PAQR3: variants seen among roughly 807,000 people sequenced by gnomAD.
PAQR3 encodes the protein Raf kinase trapping to Golgi.
A neutral mutation model predicts 41.7 loss-of-function variants in PAQR3; 39 were observed. The ratio of observed to expected loss-of-function variants is 0.93; its 90% CI spans 0.72 to 1.22. The LOEUF is 1.22. Ranked by LOEUF, PAQR3 falls within the 50% of genes most tolerant of loss-of-function variation. PAQR3 has a pLI of 0.00. For missense variants in PAQR3, 366 were observed against 385.6 expected, an observed-to-expected ratio of 0.95 and a Z score of 0.42; for synonymous variants, 140 against 140.6, an observed-to-expected ratio of 1.00 and a Z score of 0.03.
Position 78,920,196 on chromosome 4 carries a change from T to G in PAQR3, c.*343A>C. ...TTAAGCACATAAGATGACTCCATTT[T>G]CTAATGGACATGAGCCCTTCCTAAG... On this transcript the variant is annotated 3_prime_UTR_variant, in exon 6 of 6. Coordinates refer to ENST00000512733, the MANE Select transcript of PAQR3 (RefSeq NM_001040202.2). 9.9e-7 allele frequency: 1 copy of G among 1,007,150 alleles called. No individual in the cohort carries two copies. The highest frequency in any genetic ancestry group is 4.9e-4 in the Middle Eastern group (1 of 2,030). The allele number at this position is 1,007,150 out of a possible 1,614,324, so 62.4% of individuals were successfully genotyped here.
chr4:78,939,093 C>T lies in PAQR3; in HGVS notation c.132G>A (p.Pro44=), dbSNP rs774413273. The T allele has an allele frequency of 6.2e-7, 1 of 1,613,356 alleles. No homozygotes were observed. Among genetic ancestry groups the T allele is most frequent in the Non-Finnish European group, 8.5e-7 (1 of 1,179,548 alleles). ...AGGCCCGGTAGCCGTCGGTGATGTA[C>T]GGGTTGTCCTTGAGGGACCCGGGGA... ...EQIPGSLKDN[P]YITDGYRAYL... Residue 44 remains proline (P), a synonymous_variant, in exon 1 of 6, where the codon CCG becomes CCA. Transcript: ENST00000512733.
chr4:78,903,918 T>C (rs893343266), intron 11 of PAQR3, among the ~76,000 whole-genome samples: 1 of 151,810 alleles, frequency 6.6e-6, no homozygotes, highest in African/African-American at 2.4e-5. Context: ...CAGATGAGAG[T>C]TTTAAGCCAG....
intron 12 of PAQR3, among the ~76,000 whole-genome samples, chr4:78,887,685 CTCTTG>C (rs965539345): frequency 6.0e-4 from 92 of 152,222 alleles, no homozygotes; most frequent in African/African-American, 2.2e-3. Context: ...CTTTGTTTTA[CTCTTG>C]TCTTCTTATA....
chr4:78,887,283 A>C, exon 13 of PAQR3: 4 of 1,596,716 alleles, frequency 2.5e-6, no homozygotes, highest in Non-Finnish European at 3.4e-6. Context: ...TTTCTCATTC[A>C]GGCAAGTTAC....
chr4:78,903,939 G>T (rs1282735102), intron 11 of PAQR3, among the ~76,000 whole-genome samples: 1 of 151,940 alleles, frequency 6.6e-6, no homozygotes, highest in African/African-American at 2.4e-5. Flanking sequence ...TGTCAGCAGA[G>T]AAGTTATTAT....
intron 11 of PAQR3, among the ~76,000 whole-genome samples, chr4:78,891,417 T>C (rs557671586): frequency 1.3e-5 from 2 of 152,330 alleles, no homozygotes; most frequent in East Asian, 3.9e-4. Context: ...TTATTTAGCC[T>C]GGAAACTTGT....
chr4:78,906,234 T>C (rs1445803028), intron 10 of PAQR3: 1 of 152,160 alleles, frequency 6.6e-6, no homozygotes, highest in African/African-American at 2.4e-5. Flanking sequence ...CTTTACTTTT[T>C]ATAAGTTTAT....
At chr4:78,895,716 A>G (rs1733666748) in intron 11 of PAQR3, among the ~76,000 whole-genome samples, 1 of 152,196 alleles carries the variant, frequency 6.6e-6, no homozygotes, top group African/African-American at 2.4e-5. Context: ...CAAAAGGACT[A>G]TAATATCATT....
intron 11 of PAQR3, among the ~76,000 whole-genome samples, chr4:78,901,480 T>C (rs1734003533): frequency 6.6e-6 from 1 of 152,224 alleles, no homozygotes; most frequent in African/African-American, 2.4e-5. Flanking sequence ...ACCTTTAAAA[T>C]GTAGAACCTG....
chr4:78,936,032 G>A (rs13117357), intron 1 of PAQR3, among the ~76,000 whole-genome samples: 2 of 152,176 alleles, frequency 1.3e-5, no homozygotes, highest in African/African-American at 4.8e-5. Context: ...CAGGTTGCTA[G>A]AGCGTGTACC....
chr4:78,919,142 T>C lies in PAQR3; in HGVS notation c.*1397A>G, dbSNP rs1578005220. 4 of 985,144 alleles carry C rather than the reference T, an allele frequency of 4.1e-6. No individual in the cohort carries two copies. Among genetic ancestry groups the C allele is most frequent in the South Asian group, 9.4e-5 (2 of 21,288 alleles). The allele number at this position is 985,144 out of a possible 1,614,324, so 61.0% of individuals were successfully genotyped here. On this transcript the variant is annotated 3_prime_UTR_variant, in exon 6 of 6. Coordinates refer to ENST00000512733, the MANE Select transcript of PAQR3 (RefSeq NM_001040202.2). ...GTATTAACTGAGGCACATTAGTGAC[T>C]TTCCAAGTATCATATGCACAAAAGG... is the stretch of plus-strand genomic sequence containing the variant.
rs1466703305 is a variant in PAQR3, at chr4:78,911,986, G to A, written c.*8553C>T. ...ACATCAGTCCCAACAGTCCCAACCA[G>A]TCGAATTAGACCCATTTGGTGCTGC... On this transcript the variant is annotated 3_prime_UTR_variant, in exon 6 of 6. Transcript: ENST00000512733. 1.9e-6 allele frequency: 3 copies of A among 1,613,650 alleles called. No individual in the cohort carries two copies. The African/African-American group carries it at 4.0e-5, about 22-fold the overall frequency.
At chr4:78,906,360 A>AG (rs939390775) in intron 10 of PAQR3, among the ~76,000 whole-genome samples, 4 of 152,222 alleles carry the variant, frequency 2.6e-5, no homozygotes, top group African/African-American at 7.2e-5. Context: ...AGTTTTATGT[A>AG]GGGGGGCAAA....
chr4:78,933,270 A>G, intron 2 of PAQR3: 1 of 456,270 alleles, frequency 2.2e-6, no homozygotes, highest in South Asian at 1.5e-5. Context: ...ATATTTGTTA[A>G]CTGAATGTAA....
intron 10 of PAQR3, among the ~76,000 whole-genome samples, chr4:78,906,844 C>A (rs1734311113): frequency 6.6e-6 from 1 of 152,098 alleles, no homozygotes; most frequent in Non-Finnish European, 1.5e-5. Flanking sequence ...CCTTTCTTCA[C>A]AATAGCTCTA....
At chr4:78,911,001 T>C (rs1334116267), downstream of PAQR3, 7 of 1,613,676 alleles carry the variant, frequency 4.3e-6, no homozygotes, top group Admixed American at 1.2e-4. Context: ...ACATGAGCTC[T>C]GTCTACAGAG....
intron 11 of PAQR3, among the ~76,000 whole-genome samples, chr4:78,900,135 G>A (rs1423137456): frequency 1.3e-5 from 2 of 152,192 alleles, no homozygotes; most frequent in Non-Finnish European, 2.9e-5. Flanking sequence ...CCTACTCAAT[G>A]TGAAGACGAT....
chr4:78,889,195 T>C (rs912963421), intron 11 of PAQR3, among the ~76,000 whole-genome samples: 1 of 123,732 alleles, frequency 8.1e-6, no homozygotes, highest in African/African-American at 3.3e-5. Context: ...CACTCCAACC[T>C]GGGCGATAGA....
chr4:78,924,775 G>A (rs1281529707), intron 4 of PAQR3, among the ~76,000 whole-genome samples: 2 of 151,292 alleles, frequency 1.3e-5, no homozygotes, highest in Non-Finnish European at 2.9e-5. Context: ...TAACTACTTA[G>A]GAGGCTGAGG....
Sources: allele counts gnomAD v4.1 joint callset (sites outside exome capture counted in the v4.1 genomes callset), GRCh38; gene constraint gnomAD v4.1.1; transcripts MANE v1.5; gene names NCBI Gene and HGNC (gene_info 2026-07-23, HGNC 2026-07-21).